DPP6: variants seen among roughly 807,000 people sequenced by gnomAD.
DPP6 encodes dipeptidyl peptidase like 6.
A neutral mutation model predicts 122.6 loss-of-function variants in DPP6; 69 were observed. That is an observed-to-expected ratio of 0.56 (90% confidence interval 0.46 to 0.69). DPP6 has a LOEUF of 0.69. Ranked by LOEUF, DPP6 falls within the 30% of genes least tolerant of loss-of-function variation. The pLI, the probability that DPP6 is intolerant of heterozygous loss-of-function variation, is 0.00. For synonymous variants in DPP6, 418 were observed against 433.1 expected (o/e 0.97, Z 0.43); for missense variants, 928 against 1,116.9 (o/e 0.83, Z 2.41).
intron 1 of DPP6, among the ~76,000 whole-genome samples, chr7:154,410,046 A>G (rs2151203421): frequency 6.6e-6 from 1 of 152,370 alleles, no homozygotes. Flanking sequence ...AAAAGAAGGA[A>G]GATATATTAC....
chr7:154,710,815 C>T (rs999284487), intron 7 of DPP6, among the ~76,000 whole-genome samples: 3 of 152,340 alleles, frequency 2.0e-5, no homozygotes, highest in Middle Eastern at 3.4e-3. Context: ...GCACAGTCTC[C>T]AGTGAAGACT....
chr7:154,394,828 T>C (rs866639144), intron 1 of DPP6, among the ~76,000 whole-genome samples: 15 of 152,344 alleles, frequency 9.8e-5, no homozygotes, highest in Middle Eastern at 3.4e-3. Flanking sequence ...CTTTTCCTAA[T>C]CATTTGTTGA....
At chr7:154,497,489 A>T (rs1563762522) in intron 3 of DPP6, among the ~76,000 whole-genome samples, 1 of 151,986 alleles carries the variant, frequency 6.6e-6, no homozygotes, top group Non-Finnish European at 1.5e-5. Context: ...GGCATCTGTA[A>T]TCCCAGCTAC....
At chr7:154,834,706 C>T (rs570633043) in intron 16 of DPP6, among the ~76,000 whole-genome samples, 2 of 152,350 alleles carry the variant, frequency 1.3e-5, no homozygotes, top group Admixed American at 6.5e-5. Flanking sequence ...CCTGCCTCTT[C>T]CGCTGCTGTG....
intron 5 of DPP6, among the ~76,000 whole-genome samples, chr7:154,629,749 TC>T (rs1451440374): frequency 6.6e-6 from 1 of 152,186 alleles, no homozygotes; most frequent in African/African-American, 2.4e-5. Flanking sequence ...TCATATGCTA[TC>T]CATGCTGGGG....
chr7:154,160,908 G>A (rs1482082134), intron 1 of DPP6, among the ~76,000 whole-genome samples: 1 of 151,996 alleles, frequency 6.6e-6, no homozygotes, highest in African/African-American at 2.4e-5. Context: ...CAAAACCGCC[G>A]ACAGCAAGAA....
the DPP6 span, among the ~76,000 whole-genome samples, chr7:153,774,862 T>A: frequency 2.0e-5 from 3 of 151,918 alleles, no homozygotes; most frequent in Admixed American, 6.6e-5. Flanking sequence ...CTACTTAGGA[T>A]CCCTTGAGCC....
intron 2 of DPP6, among the ~76,000 whole-genome samples, chr7:154,456,827 G>A (rs372607855): frequency 4.4e-5 from 1 of 22,616 alleles, no homozygotes; most frequent in Non-Finnish European, 9.5e-5. Context: ...GGGCTGAGAC[G>A]ATGGGGTTTT....
chr7:154,650,209 C>T (rs1836785141), intron 6 of DPP6, among the ~76,000 whole-genome samples: 1 of 152,014 alleles, frequency 6.6e-6, no homozygotes, highest in African/African-American at 2.4e-5. Flanking sequence ...CCTGTGATCC[C>T]AGAAACTTGG....
At chr7:154,265,583 T>C (rs572171484) in intron 1 of DPP6, among the ~76,000 whole-genome samples, 1 of 152,240 alleles carries the variant, frequency 6.6e-6, no homozygotes, top group Non-Finnish European at 1.5e-5. Context: ...TAGTATTCAA[T>C]GCTGCTGCAC....
chr7:154,531,071 T>C (rs1245521472), intron 3 of DPP6, among the ~76,000 whole-genome samples: 1 of 152,074 alleles, frequency 6.6e-6, no homozygotes, highest in Admixed American at 6.6e-5. Context: ...AGATGATGGG[T>C]CGATCTCTGC....
intron 5 of DPP6, among the ~76,000 whole-genome samples, chr7:154,581,489 AAGGAGGAGAACACGGGTTTCAC>A (rs1258299674): frequency 3.3e-5 from 5 of 152,164 alleles, no homozygotes; most frequent in Non-Finnish European, 7.4e-5. Context: ...AGAACAGGGA[AAGGAGGAGAACACGGGTTTCAC>A]AGGAGGAGAA....
intron 1 of DPP6, among the ~76,000 whole-genome samples, chr7:154,131,366 T>C (rs1432894636): frequency 6.6e-6 from 1 of 152,248 alleles, no homozygotes; most frequent in Non-Finnish European, 1.5e-5. Flanking sequence ...TTGGGAAAAC[T>C]GAACTGGATG....
At chr7:154,763,556 C>T (rs1053529770) in intron 8 of DPP6, among the ~76,000 whole-genome samples, 1 of 152,120 alleles carries the variant, frequency 6.6e-6, no homozygotes, top group Non-Finnish European at 1.5e-5. Context: ...GCTGTGGATT[C>T]CACAGCCTCC....
At chr7:153,890,683 C>CTTTTTTT (rs34345128) in intron 1 of DPP6, among the ~76,000 whole-genome samples, 1 of 81,962 alleles carries the variant, frequency 1.2e-5, no homozygotes, top group Non-Finnish European at 2.1e-5. Flanking sequence ...CAGTTTAGAA[C>CTTTTTTT]TTTTTTTTTT....
intron 3 of DPP6, among the ~76,000 whole-genome samples, chr7:154,522,834 TG>T (rs1219564700): frequency 6.6e-6 from 1 of 152,242 alleles, no homozygotes; most frequent in Admixed American, 6.5e-5. Context: ...GTGGGTGTTA[TG>T]GGAACGTGCA....
chr7:154,562,698 T>C (rs1273728462), intron 4 of DPP6, among the ~76,000 whole-genome samples: 1 of 152,126 alleles, frequency 6.6e-6, no homozygotes, highest in Non-Finnish European at 1.5e-5. Context: ...CTAAGAAATA[T>C]ACAGAAAATA....
chr7:154,701,283 C>T (rs565327629), intron 7 of DPP6, among the ~76,000 whole-genome samples: 4 of 152,288 alleles, frequency 2.6e-5, no homozygotes, highest in Admixed American at 1.3e-4. Flanking sequence ...ATCAACAGCC[C>T]CCTTGTGCTG....
At chr7:153,848,504 C>G in the DPP6 span, among the ~76,000 whole-genome samples, 20 of 152,302 alleles carry the variant, frequency 1.3e-4, no homozygotes, top group East Asian at 3.1e-3. Flanking sequence ...ACCACCCTGA[C>G]CAATCTCCTA....
Sources: allele counts gnomAD v4.1 joint callset (sites outside exome capture counted in the v4.1 genomes callset), GRCh38; gene constraint gnomAD v4.1.1; transcripts MANE v1.5; gene names NCBI Gene and HGNC (gene_info 2026-07-23, HGNC 2026-07-21).